PLCL2: variants seen among roughly 807,000 people sequenced by gnomAD.
The protein encoded by PLCL2 is phospholipase C like 2, also known as inactive phospholipase C-like protein 2.
A neutral mutation model predicts 79.6 loss-of-function variants in PLCL2; 4 were observed. The observed-to-expected ratio is 0.05, with a 90% CI of 0.02 to 0.11. The LOEUF (loss-of-function observed/expected upper bound fraction) is 0.11, where lower values mean the gene tolerates loss of function less well. Ranked by LOEUF, PLCL2 falls within the 10% of genes least tolerant of loss-of-function variation. PLCL2 has a pLI of 1.00. For missense variants in PLCL2, 895 were observed against 1,291.0 expected (o/e 0.69, Z 4.70); for synonymous variants, 484 against 457.7 (o/e 1.06, Z -0.73).
chr3:16,947,823 A>G (rs1037715128), intron 1 of PLCL2, among the ~76,000 whole-genome samples: 3 of 152,234 alleles, frequency 2.0e-5, no homozygotes, highest in Non-Finnish European at 2.9e-5. Context: ...TCCGGTTACA[A>G]AAACTCATTT....
chr3:16,998,922 G>A (rs559384282), intron 1 of PLCL2, among the ~76,000 whole-genome samples: 1 of 152,276 alleles, frequency 6.6e-6, no homozygotes, highest in African/African-American at 2.4e-5. Context: ...GCTGTTTTGG[G>A]TGCTGTAGGT....
intron 1 of PLCL2, among the ~76,000 whole-genome samples, chr3:17,008,412 T>C (rs1351606990): frequency 6.6e-6 from 1 of 151,718 alleles, no homozygotes; most frequent in Non-Finnish European, 1.5e-5. Context: ...TTGGTGCAAA[T>C]AGTTTCCAGA....
rs533290055 is a variant in PLCL2, at chr3:16,959,472, C to T, written c.328-50202C>T. Among the ~76,000 whole-genome samples, 50 of 152,192 alleles carry T rather than the reference C, an allele frequency of 3.3e-4. 2 individuals carry two copies. In the South Asian group the frequency reaches 0.01, roughly 31 times the overall value. On this transcript the variant is annotated intron_variant, in intron 1 of 5. Transcript: ENST00000615277. ...AATTTTTATTCCTTGTGGCTTTTAT[C>T]GCATTATCTGTCTCAATTCTCTTCC...
intron 4 of PLCL2, among the ~76,000 whole-genome samples, chr3:17,050,320 G>A (rs1028914606): frequency 2.0e-5 from 3 of 152,004 alleles, no homozygotes; most frequent in African/African-American, 7.3e-5. Context: ...ATGAACAAAT[G>A]GGATCACATC....
At chr3:17,076,620 A>C (rs1309989380) in intron 5 of PLCL2, among the ~76,000 whole-genome samples, 1 of 151,948 alleles carries the variant, frequency 6.6e-6, no homozygotes, top group Non-Finnish European at 1.5e-5. Flanking sequence ...CTCTCATCTC[A>C]GCCTCCTGAG....
At chr3:17,049,100 G>GT (rs35916736) in intron 4 of PLCL2, among the ~76,000 whole-genome samples, 25,274 of 151,540 alleles carry the variant, frequency 0.17, 2,396 homozygotes, top group Non-Finnish European at 0.2. Context: ...CTTGTGCAAA[G>GT]TTTTTTTTTA....
At chr3:17,007,358 A>G (rs544927440) in intron 1 of PLCL2, among the ~76,000 whole-genome samples, 13 of 152,338 alleles carry the variant, frequency 8.5e-5, no homozygotes, top group Admixed American at 2.0e-4. Flanking sequence ...GTCCTTATGC[A>G]TGGCTGATTA....
chr3:17,029,235 G>A (rs376669067), intron 3 of PLCL2, among the ~76,000 whole-genome samples: 1 of 151,910 alleles, frequency 6.6e-6, no homozygotes, highest in African/African-American at 2.4e-5. Context: ...CAGCATCCCA[G>A]CTCCTGGATC....
In PLCL2 at chr3:17,007,582, A is replaced by G. The variant is rs191409993; in HGVS notation, c.328-2092A>G. ...TGGCACCCAGATCACAAAAGCTTCT[A>G]TGGTTCATTTTGAAACTTTGAGGAA... On this transcript the variant is annotated intron_variant, in intron 1 of 5. Transcript: ENST00000615277. Among the ~76,000 whole-genome samples, 44 of 152,340 alleles carry G rather than the reference A, an allele frequency of 2.9e-4. No homozygotes were observed. The East Asian group carries it at 7.1e-3, about 25-fold the overall frequency.
chr3:16,993,421 C>T (rs2064123515), intron 1 of PLCL2, among the ~76,000 whole-genome samples: 1 of 152,184 alleles, frequency 6.6e-6, no homozygotes, highest in African/African-American at 2.4e-5. Context: ...TCCCAGTGCT[C>T]TCTCTCCAAA....
chr3:17,070,132 G>C lies in PLCL2; in HGVS notation c.3204+2067G>C, dbSNP rs528865531. On this transcript the variant is annotated intron_variant, in intron 5 of 5. Transcript: ENST00000615277. ...TCAAGTACCCTTCCTACTCATGTGT[G>C]GTCCGGGAACCAGCAACCTGGGCCT... Among the ~76,000 whole-genome samples the C allele has an allele frequency of 4.1e-4, 63 of 152,260 alleles. 1 individual carries two copies. In the South Asian group the frequency reaches 0.012, roughly 29 times the overall value.
At chr3:16,975,996 A>C (rs1161749496) in intron 1 of PLCL2, among the ~76,000 whole-genome samples, 1 of 152,150 alleles carries the variant, frequency 6.6e-6, no homozygotes, top group East Asian at 1.9e-4. Context: ...CCGTTTTAGA[A>C]AGAACTGGTA....
intron 3 of PLCL2, among the ~76,000 whole-genome samples, chr3:17,033,153 CTGAAG>C (rs2064603278): frequency 6.6e-6 from 1 of 152,146 alleles, no homozygotes; most frequent in South Asian, 2.1e-4. Context: ...TACCCTAGCT[CTGAAG>C]TGAGCTTTAT....
At chr3:17,017,347 C>A (rs981331631) in intron 3 of PLCL2, among the ~76,000 whole-genome samples, 8 of 151,944 alleles carry the variant, frequency 5.3e-5, no homozygotes, top group Admixed American at 2.6e-4. Flanking sequence ...TCTGTTAATT[C>A]CATCTGATAA....
In PLCL2 at chr3:16,885,256, A is replaced by G. The variant is rs1419850325; in HGVS notation, c.217A>G (p.Thr73Ala). 1.5e-6 allele frequency: 1 copy of G among 667,496 alleles called. No individual in the cohort carries two copies. The highest frequency in any genetic ancestry group is 2.7e-6 in the Non-Finnish European group (1 of 368,984). The allele number at this position is 667,496 out of a possible 1,614,324, so 41.3% of individuals were successfully genotyped here. Residue 73 changes from threonine to alanine, a missense_variant, in exon 1 of 6, where the codon ACC becomes GCC. This residue lies in a region of PLCL2 where 110 missense variants were observed against 42.9 expected (regional missense o/e 2.56). Coordinates refer to ENST00000615277, the MANE Select transcript of PLCL2 (RefSeq NM_001144382.2). The part of the protein sequence containing the change: ...VSGDEARASP[T>A]RGPRGVALAP... ...CGGGGACGAAGCCCGGGCTAGCCCT[A>G]CCAGGGGACCCCGCGGCGTTGCGCT... is the stretch of plus-strand genomic sequence containing the variant.
At chr3:16,980,505 A>G (rs1483951303) in intron 1 of PLCL2, among the ~76,000 whole-genome samples, 2 of 140,468 alleles carry the variant, frequency 1.4e-5, no homozygotes, top group African/African-American at 2.6e-5. Context: ...ACGGGGCGGC[A>G]GGGCAGAGGT....
chr3:17,013,870 T>C lies in PLCL2; in HGVS notation c.2815-838T>C, dbSNP rs149673106. 3.3e-4 allele frequency among the ~76,000 whole-genome samples: 50 copies of C among 152,334 alleles called. 1 individual carries two copies. Among genetic ancestry groups the C allele is most frequent in the African/African-American group, 1.1e-3 (47 of 41,574 alleles). ...GCTTTCAGGTAAAATCTTGACTCCT[T>C]CACTTACTAGCTGTGTGACGCTAGA... is the stretch of plus-strand genomic sequence containing the variant. On this transcript the variant is annotated intron_variant, in intron 2 of 5. Transcript: ENST00000615277.
chr3:17,018,814 C>T (rs1437689346), intron 3 of PLCL2, among the ~76,000 whole-genome samples: 1 of 152,148 alleles, frequency 6.6e-6, no homozygotes, highest in Non-Finnish European at 1.5e-5. Context: ...ATTCAACACC[C>T]ATTTATAAGC....
intron 1 of PLCL2, among the ~76,000 whole-genome samples, chr3:16,920,305 T>G (rs1166792998): frequency 6.6e-6 from 1 of 152,132 alleles, no homozygotes; most frequent in Non-Finnish European, 1.5e-5. Flanking sequence ...ATCATTTAAC[T>G]TTTTAAAATT....
Sources: gnomAD v4.1 joint callset for allele counts (sites outside exome capture counted in the v4.1 genomes callset) on GRCh38, gnomAD v4.1.1 for gene constraint, gnomAD v4.1.1 regional missense constraint, MANE v1.5 for transcripts, NCBI Gene and HGNC (gene_info 2026-07-23, HGNC 2026-07-21) for gene names.